The following TANC1 variants were observed in gnomAD, a reference collection of about 807,000 sequenced individuals.
TANC1 encodes the protein tetratricopeptide repeat, ankyrin repeat and coiled-coil containing 1, also known as protein TANC1.
Under a neutral mutation model 149.7 loss-of-function variants are expected in TANC1, and 77 were observed. The observed-to-expected ratio is 0.51, with a 90% CI of 0.43 to 0.62. TANC1 has a LOEUF of 0.62. Ranked by LOEUF, TANC1 falls within the 20% of genes least tolerant of loss-of-function variation. TANC1 has a pLI of 0.00. For synonymous variants in TANC1, 854 were observed against 925.0 expected, an observed-to-expected ratio of 0.92 and a Z score of 1.39; for missense variants, 1,985 against 2,321.8, an observed-to-expected ratio of 0.85 and a Z score of 2.98.
At chr2:158,970,392 G>A (rs904501343) in intron 1 of TANC1, among the ~76,000 whole-genome samples, 1 of 152,184 alleles carries the variant, frequency 6.6e-6, no homozygotes, top group Non-Finnish European at 1.5e-5. Context: ...CTGCTACTAG[G>A]AAGATTCCAG....
intron 4 of TANC1, among the ~76,000 whole-genome samples, chr2:159,131,503 C>G (rs1263524793): frequency 2.6e-5 from 4 of 151,326 alleles, no homozygotes; most frequent in Admixed American, 1.3e-4. Context: ...GCCCTCATCA[C>G]TCCCCCTCCC....
chr2:159,053,508 ATCACTGCAGGC>A (rs1038568678), intron 2 of TANC1, among the ~76,000 whole-genome samples: 2 of 152,248 alleles, frequency 1.3e-5, no homozygotes, highest in African/African-American at 4.8e-5. Flanking sequence ...CCACTGCAGT[ATCACTGCAGGC>A]ATATCTTGGT....
chr2:159,165,129 A>G (rs1297593303), intron 8 of TANC1, among the ~76,000 whole-genome samples: 4 of 152,338 alleles, frequency 2.6e-5, no homozygotes, highest in Admixed American at 1.3e-4. Context: ...AAAATTAGGA[A>G]ACATTACTGT....
chr2:158,987,213 C>CAA (rs34300029), intron 1 of TANC1, among the ~76,000 whole-genome samples: 5,895 of 75,856 alleles, frequency 0.078, 346 homozygotes, highest in East Asian at 0.18. Context: ...GACTCATCTC[C>CAA]AAAAAAAAAA....
chr2:159,179,528 A>G (rs373538899), intron 14 of TANC1, among the ~76,000 whole-genome samples: 116 of 152,152 alleles, frequency 7.6e-4, no homozygotes, highest in African/African-American at 2.7e-3. Context: ...GCCCCTGGGA[A>G]CAGGGGGCTT....
intron 2 of TANC1, among the ~76,000 whole-genome samples, chr2:159,037,503 T>C (rs1385780262): frequency 6.6e-6 from 1 of 152,206 alleles, no homozygotes; most frequent in East Asian, 1.9e-4. Flanking sequence ...AACATTTAAG[T>C]CTTTAATCCA....
rs182404253 is a variant in TANC1, at chr2:159,037,731, A to G, written c.-15-28165A>G. Reference sequence around the variant, plus strand: ...TGGTCTATCTCTCTGTTTTGGTACCAGTACCATGCTGTTTTGGTTACTGTA... The same window carrying G: ...TGGTCTATCTCTCTGTTTTGGTACCGGTACCATGCTGTTTTGGTTACTGTA... On this transcript the variant is annotated intron_variant, in intron 2 of 26. Transcript: ENST00000263635. Among the ~76,000 whole-genome samples the G allele has an allele frequency of 4.6e-5, 7 of 152,344 alleles. No individual in the cohort carries two copies. The East Asian group carries it at 1.2e-3, about 25-fold the overall frequency.
chr2:159,129,790 T>C (rs901733603), intron 4 of TANC1, among the ~76,000 whole-genome samples: 2 of 152,132 alleles, frequency 1.3e-5, no homozygotes, highest in African/African-American at 4.8e-5. Context: ...TAGCTTTAAT[T>C]TATGATGGAG....
intron 9 of TANC1, 64 bp downstream of exon 9, chr2:159,169,436 C>G: frequency 1.3e-6 from 2 of 1,543,376 alleles, no homozygotes; most frequent in East Asian, 4.5e-5. Context: ...CTTTGAAAGT[C>G]TGTGATAACC....
rs1211561609 is a variant in TANC1 at position 159,227,934 on chromosome 2, T to C, written c.4019T>C (p.Leu1340Pro). ...PFNELRVSLYLNLSRCRRKTN... is the reference protein window; with the variant it reads ...PFNELRVSLYPNLSRCRRKTN... ...AATGAATTAAGGGTTTCCCTCTATC[T>C]CAATTTGTCGCGATGCCGAAGAAAA... The change falls in exon 25 of 27, where the codon CTC becomes CCC. Residue 1340 changes from leucine (L) to proline (P), a missense_variant. Around this residue, in one of 3 missense-constraint regions of TANC1, gnomAD observed 920 missense variants for 994.7 expected, o/e 0.92. Coordinates refer to ENST00000263635, the MANE Select transcript of TANC1 (RefSeq NM_033394.3). 5 of 1,613,392 alleles carry C rather than the reference T, an allele frequency of 3.1e-6. No homozygotes were observed. Among genetic ancestry groups the C allele is most frequent in the Non-Finnish European group, 3.4e-6 (4 of 1,179,806 alleles).
At chr2:159,228,572 G>A (rs2060159100) in intron 25 of TANC1, 1 of 496,644 alleles carries the variant, frequency 2.0e-6, no homozygotes, top group Non-Finnish European at 3.6e-6. Context: ...GCCTTCTTGG[G>A]GCACTGTTAC....
chr2:159,144,766 A>C (rs1462182067), intron 5 of TANC1, among the ~76,000 whole-genome samples: 1 of 152,202 alleles, frequency 6.6e-6, no homozygotes, highest in Non-Finnish European at 1.5e-5. Context: ...GAGAAGGAGC[A>C]GACAGAAACA....
intron 2 of TANC1, among the ~76,000 whole-genome samples, chr2:159,041,797 T>C (rs1329391811): frequency 1.3e-5 from 2 of 152,156 alleles, no homozygotes; most frequent in East Asian, 1.9e-4. Flanking sequence ...GCATCCACTG[T>C]CCACCCAGTC....
At chr2:159,143,076 A>C (rs1457321510) in intron 5 of TANC1, among the ~76,000 whole-genome samples, 6 of 52,498 alleles carry the variant, frequency 1.1e-4, no homozygotes, top group African/African-American at 2.6e-4. Context: ...AAAAAAAAAA[A>C]AACAACAAAA....
chr2:158,983,232 C>T (rs989138416), intron 1 of TANC1, among the ~76,000 whole-genome samples: 1 of 151,716 alleles, frequency 6.6e-6, no homozygotes, highest in Non-Finnish European at 1.5e-5. Context: ...TTTGGGAGGC[C>T]GAGGTGGGTT....
At chr2:159,026,428 C>G (rs576589244) in intron 2 of TANC1, among the ~76,000 whole-genome samples, 18 of 152,322 alleles carry the variant, frequency 1.2e-4, no homozygotes, top group African/African-American at 4.3e-4. Context: ...TCGATGACCT[C>G]AGCTTCTTTG....
intron 7 of TANC1, among the ~76,000 whole-genome samples, chr2:159,156,733 A>T (rs1325633769): frequency 6.6e-6 from 1 of 152,238 alleles, no homozygotes; most frequent in Non-Finnish European, 1.5e-5. Context: ...ACTGTGTGAG[A>T]AGCTCCAGTG....
intron 2 of TANC1, among the ~76,000 whole-genome samples, chr2:159,013,383 C>A (rs1479415974): frequency 1.3e-5 from 2 of 152,178 alleles, no homozygotes; most frequent in Non-Finnish European, 2.9e-5. Context: ...TATAATAGGC[C>A]TGCCATCTGT....
At chr2:159,153,689 A>T in intron 7 of TANC1, among the ~76,000 whole-genome samples, 1 of 152,210 alleles carries the variant, frequency 6.6e-6, no homozygotes. Flanking sequence ...AGAAAGGGGA[A>T]GAGCTTCCTT....
Sources: gnomAD v4.1 joint callset for allele counts (sites outside exome capture counted in the v4.1 genomes callset) on GRCh38, gnomAD v4.1.1 for gene constraint, gnomAD v4.1.1 regional missense constraint, MANE v1.5 for transcripts, NCBI Gene and HGNC (gene_info 2026-07-23, HGNC 2026-07-21) for gene names.